MAP3K7: variants seen among roughly 807,000 people sequenced by gnomAD.
The protein encoded by MAP3K7 is TGF-beta activated kinase 1.
A neutral mutation model predicts 84.8 loss-of-function variants in MAP3K7; 21 were observed. The ratio of observed to expected loss-of-function variants is 0.25; its 90% CI spans 0.18 to 0.36. The LOEUF (loss-of-function observed/expected upper bound fraction) is 0.36, where lower values mean the gene tolerates loss of function less well. MAP3K7 is among the 10% of genes least tolerant of loss of function. The pLI is 1.00. For synonymous variants in MAP3K7, 241 were observed against 247.7 expected (o/e 0.97, Z 0.25); for missense variants, 503 against 747.7 (o/e 0.67, Z 3.82).
At chr6:90,516,944 A>T (rs1386298668) in intron 16 of MAP3K7, among the ~76,000 whole-genome samples, 1 of 151,954 alleles carries the variant, frequency 6.6e-6, no homozygotes, top group Non-Finnish European at 1.5e-5. Context: ...AAGTTTCAGA[A>T]AATTTCATTT....
At chr6:90,531,893 T>C (rs1056129933) in intron 13 of MAP3K7, among the ~76,000 whole-genome samples, 3 of 150,852 alleles carry the variant, frequency 2.0e-5, no homozygotes, top group Admixed American at 6.6e-5. Context: ...GAGGCAGAGG[T>C]TGCAATGAGC....
intron 15 of MAP3K7, 143 bp downstream of exon 15, chr6:90,519,115 G>A: frequency 1.7e-6 from 1 of 582,548 alleles, no homozygotes; most frequent in Non-Finnish European, 3.0e-6. Context: ...GAATTATTTT[G>A]ATTTGATTCT....
At chr6:90,525,976 G>A (rs1775309552) in intron 13 of MAP3K7, among the ~76,000 whole-genome samples, 1 of 152,062 alleles carries the variant, frequency 6.6e-6, no homozygotes, top group Non-Finnish European at 1.5e-5. Flanking sequence ...AGCCTCCTGA[G>A]TAGCTGGGAC....
At chr6:90,561,731 A>T in intron 3 of MAP3K7, 64 bp from the exon 4 acceptor site, 1 of 1,098,948 alleles carries the variant, frequency 9.1e-7, no homozygotes, top group Non-Finnish European at 1.4e-6. Flanking sequence ...CCTTTGAGAG[A>T]GAATTTAATT....
At position 90,539,100 on chromosome 6, in the gene MAP3K7, G is replaced by A. The variant is rs3799910; in HGVS notation, c.1292-2699C>T. Among the ~76,000 whole-genome samples the A allele has an allele frequency of 3.3e-5, 5 of 151,994 alleles. No homozygotes were observed. In the East Asian group the frequency reaches 9.7e-4, roughly 29 times the overall value. ...ACTAGCATTACATTACTGCTTCATG[G>A]TAAACTGAACATGTAATTTTAAAAT... On this transcript the variant is annotated intron_variant, in intron 12 of 16. Coordinates refer to ENST00000369329, the MANE Select transcript of MAP3K7 (RefSeq NM_145331.3).
At chr6:90,530,217 A>G (rs1412364733) in intron 13 of MAP3K7, among the ~76,000 whole-genome samples, 1 of 152,228 alleles carries the variant, frequency 6.6e-6, no homozygotes, top group Non-Finnish European at 1.5e-5. Flanking sequence ...GCTAATGCAC[A>G]TTTTAAAAAG....
At position 90,564,077 on chromosome 6, in the gene MAP3K7, A is replaced by C. The variant is rs545028458; in HGVS notation, c.298-2410T>G. 4.6e-5 allele frequency among the ~76,000 whole-genome samples: 7 copies of C among 152,342 alleles called. No individual in the cohort carries two copies. The South Asian group carries it at 1.5e-3, about 32-fold the overall frequency. ...AGAGCTCCTGAAGGAAGCACTAAAC[A>C]TGGAAAGGAACAACCGGTACCAGCC... On this transcript the variant is annotated intron_variant, in intron 3 of 16. Coordinates refer to ENST00000369329, the MANE Select transcript of MAP3K7 (RefSeq NM_145331.3).
intron 2 of MAP3K7, among the ~76,000 whole-genome samples, chr6:90,569,099 T>C (rs1776814335): frequency 6.6e-6 from 1 of 152,178 alleles, no homozygotes; most frequent in South Asian, 2.1e-4. Context: ...ATAGATATTG[T>C]ATAATTATCA....
intron 9 of MAP3K7, among the ~76,000 whole-genome samples, chr6:90,550,157 T>C (rs944919734): frequency 1.3e-5 from 2 of 152,136 alleles, no homozygotes; most frequent in African/African-American, 4.8e-5. Flanking sequence ...CTAATACTAC[T>C]TGATCTAGTA....
At position 90,586,942 on chromosome 6, in the gene MAP3K7, A is replaced by G; in HGVS notation, c.-59T>C. ...GTGCCACCCGGACAATCCGGGTGAGACCCGCGCCCACCCGCCTCCGGACCG... is the reference window on the plus strand; with the variant it reads ...GTGCCACCCGGACAATCCGGGTGAGGCCCGCGCCCACCCGCCTCCGGACCG... On this transcript the variant is annotated 5_prime_UTR_variant, in exon 1 of 17. Transcript: ENST00000369329. 1.3e-6 allele frequency: 2 copies of G among 1,487,334 alleles called. No homozygotes were observed. Among genetic ancestry groups the G allele is most frequent in the South Asian group, 2.6e-5 (2 of 78,112 alleles). 92.1% of individuals were successfully genotyped at this position (1,487,334 alleles called of 1,614,324 possible).
intron 8 of MAP3K7, chr6:90,551,198 C>T (rs1479800529): frequency 2.0e-5 from 3 of 152,040 alleles, no homozygotes; most frequent in East Asian, 3.9e-4. Context: ...TATCCAAATA[C>T]GATGGTAAAC....
chr6:90,576,528 T>C (rs1361792712), intron 1 of MAP3K7, among the ~76,000 whole-genome samples: 1 of 151,974 alleles, frequency 6.6e-6, no homozygotes, highest in Non-Finnish European at 1.5e-5. Context: ...CTCACTACCT[T>C]ATTTACTCCA....
intron 7 of MAP3K7, among the ~76,000 whole-genome samples, chr6:90,552,929 C>T (rs919894158): frequency 5.9e-5 from 9 of 152,166 alleles, no homozygotes; most frequent in African/African-American, 2.2e-4. Flanking sequence ...GTTATTTAAC[C>T]TCTCTAGGCC....
intron 14 of MAP3K7, among the ~76,000 whole-genome samples, chr6:90,521,252 TTTTGCG>T (rs879931041): frequency 0.011 from 1,079 of 97,308 alleles, 11 homozygotes; most frequent in South Asian, 0.036. Context: ...AATGAAAGTT[TTTTGCG>T]TGTGTGTGTG....
intron 13 of MAP3K7, among the ~76,000 whole-genome samples, chr6:90,527,220 T>C (rs1775348200): frequency 6.6e-6 from 1 of 152,086 alleles, no homozygotes; most frequent in Non-Finnish European, 1.5e-5. Context: ...AAAAGACATT[T>C]AACAAACTTA....
chr6:90,540,136 A>C, intron 12 of MAP3K7, among the ~76,000 whole-genome samples: 1 of 151,922 alleles, frequency 6.6e-6, no homozygotes, highest in Non-Finnish European at 1.5e-5. Flanking sequence ...TATCTATTTC[A>C]GTAAGATCTG....
At chr6:90,535,375 C>T (rs781288534) in intron 13 of MAP3K7, among the ~76,000 whole-genome samples, 9 of 151,672 alleles carry the variant, frequency 5.9e-5, no homozygotes, top group African/African-American at 1.9e-4. Flanking sequence ...AATATATAAA[C>T]GCTAAAATTT....
intron 1 of MAP3K7, among the ~76,000 whole-genome samples, chr6:90,575,026 C>G (rs951989339): frequency 6.6e-6 from 1 of 151,990 alleles, no homozygotes; most frequent in East Asian, 1.9e-4. Flanking sequence ...TTGTACTGAC[C>G]TGAAATACAG....
intron 6 of MAP3K7, among the ~76,000 whole-genome samples, 180 bp downstream of exon 6, chr6:90,556,320 T>C (rs893560998): frequency 2.0e-4 from 30 of 152,228 alleles, no homozygotes; most frequent in Middle Eastern, 3.2e-3. Context: ...GCATAGAAGA[T>C]TTAAATCTTA....
Sources: allele counts gnomAD v4.1 joint callset (sites outside exome capture counted in the v4.1 genomes callset), GRCh38; gene constraint gnomAD v4.1.1; transcripts MANE v1.5; gene names NCBI Gene and HGNC (gene_info 2026-07-23, HGNC 2026-07-21).